The following ATP13A4 variants were observed in gnomAD, a reference collection of about 807,000 sequenced individuals.
ATP13A4 encodes probable cation-transporting ATPase 13A4.
ATP13A4 carries 114 observed loss-of-function variants against 142.5 expected under a neutral mutation model. The ratio of observed to expected loss-of-function variants is 0.80; its 90% confidence interval spans 0.69 to 0.93. The LOEUF (loss-of-function observed/expected upper bound fraction) is 0.93. Ranked by LOEUF, ATP13A4 falls within the 40% of genes least tolerant of loss-of-function variation. ATP13A4 has a pLI of 0.00. For synonymous variants in ATP13A4, 488 were observed against 514.8 expected (o/e 0.95, Z 0.70); for missense variants, 1,392 against 1,454.0 (o/e 0.96, Z 0.69).
chr3:193,568,806 T>G (rs1185189316), intron 2 of ATP13A4, among the ~76,000 whole-genome samples: 1 of 152,048 alleles, frequency 6.6e-6, no homozygotes, highest in East Asian at 1.9e-4. Flanking sequence ...CTGAAGGAGC[T>G]CCCAATGGCC....
At chr3:193,481,650 T>C (rs796968177) in intron 8 of ATP13A4, among the ~76,000 whole-genome samples, 3 of 152,286 alleles carry the variant, frequency 2.0e-5, no homozygotes, top group African/African-American at 7.2e-5. Context: ...GGTATTTTCT[T>C]GGCAAAGAAA....
intron 1 of ATP13A4, chr3:193,581,979 T>C (rs1198244137): frequency 1.3e-5 from 2 of 151,954 alleles, no homozygotes; most frequent in Non-Finnish European, 2.9e-5. Flanking sequence ...GGCTTCAGTG[T>C]GAATGCTGAC....
intron 2 of ATP13A4, among the ~76,000 whole-genome samples, chr3:193,574,665 A>G (rs1319552405): frequency 6.6e-6 from 1 of 152,152 alleles, no homozygotes; most frequent in Non-Finnish European, 1.5e-5. Flanking sequence ...GCAGTGAGCC[A>G]AGATTACACC....
intron 1 of ATP13A4, among the ~76,000 whole-genome samples, chr3:193,589,715 TTCAGAGTATAAAA>T (rs1724728675): frequency 6.6e-6 from 1 of 152,134 alleles, no homozygotes; most frequent in South Asian, 2.1e-4. Context: ...AATACACAAG[TTCAGAGTATAAAA>T]GGGTTTACAA....
chr3:193,499,675 A>G (rs1560235108), intron 3 of ATP13A4, among the ~76,000 whole-genome samples: 1 of 152,338 alleles, frequency 6.6e-6, no homozygotes, highest in African/African-American at 2.4e-5. Context: ...TTCAAGCTGT[A>G]TAAAGTGATG....
In ATP13A4 at chr3:193,483,609, C is replaced by T. The variant is rs544638420; in HGVS notation, c.808+327G>A. ...CCTCCTGAATAGCTGGGACTACAGG[C>T]GCTCGCCACCACGCCCGGCTAATTT... On this transcript the variant is annotated intron_variant, in intron 8 of 29. Coordinates refer to ENST00000342695, the MANE Select transcript of ATP13A4 (RefSeq NM_032279.4). 6.6e-5 allele frequency among the ~76,000 whole-genome samples: 10 copies of T among 152,074 alleles called. No homozygotes were observed. The South Asian group carries it at 8.4e-4, about 13-fold the overall frequency.
chr3:193,450,982 G>A (rs932664233), intron 17 of ATP13A4, among the ~76,000 whole-genome samples: 2 of 152,198 alleles, frequency 1.3e-5, no homozygotes, highest in Non-Finnish European at 2.9e-5. Context: ...TAGGAAGGCA[G>A]ATATGTTGTC....
chr3:193,399,555 T>C lies in ATP13A4; in HGVS notation c.*3097A>G, dbSNP rs1714196587. Among the ~76,000 whole-genome samples the C allele has an allele frequency of 6.6e-6, 1 of 152,032 alleles. No individual in the cohort carries two copies. Among genetic ancestry groups the C allele is most frequent in the Non-Finnish European group, 1.5e-5 (1 of 68,002 alleles). The stretch of plus-strand genomic sequence containing the variant: ...TCTGTCTGGTATTCTGTGTGGGTAG[T>C]AGTAGAAAATAGTTCACATCTGGTG... On this transcript the variant is annotated 3_prime_UTR_variant, in exon 30 of 30. Transcript: ENST00000342695.
chr3:193,444,127 C>A (rs530716823), intron 18 of ATP13A4, among the ~76,000 whole-genome samples: 250 of 152,170 alleles, frequency 1.6e-3, no homozygotes, highest in African/African-American at 5.8e-3. Flanking sequence ...GAATCACAAC[C>A]AGACATATAG....
chr3:193,562,287 A>C (rs1724033114), intron 2 of ATP13A4, among the ~76,000 whole-genome samples: 1 of 152,230 alleles, frequency 6.6e-6, no homozygotes, highest in African/African-American at 2.4e-5. Flanking sequence ...TAAAAATAAA[A>C]AGGAAAATAA....
intron 2 of ATP13A4, among the ~76,000 whole-genome samples, chr3:193,570,318 C>A (rs574079389): frequency 6.6e-6 from 1 of 152,146 alleles, no homozygotes; most frequent in South Asian, 2.1e-4. Flanking sequence ...GAGACTCTGT[C>A]TCAAAAAAAT....
rs577375538 is a variant in ATP13A4 at position 193,495,371 on chromosome 3, A to G, written c.382-2211T>C. 1.8e-4 allele frequency among the ~76,000 whole-genome samples: 28 copies of G among 152,284 alleles called. No homozygotes were observed. The South Asian group carries it at 3.9e-3, about 21-fold the overall frequency. ...TCAACAAAATTAAAGTTAACAGCAC[A>G]TTAAAAAGATCATTCACCATGATCA... On this transcript the variant is annotated intron_variant, in intron 3 of 29. Transcript: ENST00000342695.
Position 193,489,753 on chromosome 3 carries a change from A to T in ATP13A4, c.715T>A (p.Leu239Met), listed in dbSNP as rs752631869. ...IIIMSIISIS[L>M]TVYDLREQSV... ...ACCTCTCTGAGATCATATACTGTCAAAGATATGGAAATTATGGACATGATT... is the reference window on the plus strand; with the variant it reads ...ACCTCTCTGAGATCATATACTGTCATAGATATGGAAATTATGGACATGATT... The change falls in exon 7 of 30, where the codon TTG becomes ATG. Residue 239 changes from leucine to methionine, a missense_variant. Transcript: ENST00000342695. The T allele has an allele frequency of 1.4e-5, 23 of 1,610,456 alleles. No homozygotes were observed. The highest frequency in any genetic ancestry group is 1.7e-5 in the Non-Finnish European group (20 of 1,176,836).
chr3:193,440,338 T>C (rs1716553317), intron 21 of ATP13A4: 3 of 811,344 alleles, frequency 3.7e-6, no homozygotes, highest in Middle Eastern at 3.1e-4. Context: ...AAAAAAATAC[T>C]GATTTTTTAA....
chr3:193,589,959 C>CAAA (rs35624117), intron 1 of ATP13A4, among the ~76,000 whole-genome samples: 6 of 83,904 alleles, frequency 7.2e-5, no homozygotes, highest in African/African-American at 1.9e-4. Context: ...GTTCTTTTGC[C>CAAA]AAAAAAAAAA....
intron 8 of ATP13A4, among the ~76,000 whole-genome samples, chr3:193,477,473 C>G (rs1229365568): frequency 2.0e-5 from 3 of 151,680 alleles, no homozygotes; most frequent in Non-Finnish European, 2.9e-5. Flanking sequence ...AAAAAATGAC[C>G]AATTATATTT....
chr3:193,513,646 T>C (rs570270973), intron 2 of ATP13A4, among the ~76,000 whole-genome samples: 6 of 152,334 alleles, frequency 3.9e-5, no homozygotes, highest in Middle Eastern at 6.8e-3. Context: ...CCGAGTGCCA[T>C]GAGTGCTGCA....
intron 16 of ATP13A4, among the ~76,000 whole-genome samples, chr3:193,456,523 T>C (rs377236345): frequency 2.0e-5 from 3 of 152,316 alleles, no homozygotes; most frequent in Admixed American, 6.5e-5. Flanking sequence ...AAGCCTTATA[T>C]ATGATCCTAA....
chr3:193,548,147 T>C (rs891008186), intron 1 of ATP13A4, among the ~76,000 whole-genome samples: 1 of 152,210 alleles, frequency 6.6e-6, no homozygotes, highest in East Asian at 1.9e-4. Context: ...CCTGAGACTA[T>C]TGACCATTGA....
Sources: gnomAD v4.1 joint callset for allele counts (sites outside exome capture counted in the v4.1 genomes callset) on GRCh38, gnomAD v4.1.1 for gene constraint, MANE v1.5 for transcripts, NCBI Gene and HGNC (gene_info 2026-07-23, HGNC 2026-07-21) for gene names.